The following PAN3 variants were observed in gnomAD, a reference collection of about 807,000 sequenced individuals.
PAN3 encodes PAN2-PAN3 deadenylation complex subunit PAN3.
In PAN3, 19 loss-of-function variants were observed where a neutral mutation model predicts 96.2. That is an observed-to-expected ratio of 0.20 (90% CI 0.14 to 0.29). PAN3 has a LOEUF of 0.29. Among genes scored for constraint, PAN3 ranks in the 10% least tolerant of loss-of-function variants. The probability of loss-of-function intolerance (pLI) is 1.00; values close to 1 mark genes in which losing one functional copy is unlikely to be tolerated. For missense variants in PAN3, 882 were observed against 1,108.1 expected, an observed-to-expected ratio of 0.80 and a Z score of 2.90; for synonymous variants, 433 against 406.6, an observed-to-expected ratio of 1.06 and a Z score of -0.78.
At chr13:28,259,615 TA>T (rs1885519181) in intron 7 of PAN3, among the ~76,000 whole-genome samples, 1 of 151,854 alleles carries the variant, frequency 6.6e-6, no homozygotes, top group Non-Finnish European at 1.5e-5. Context: ...TGTTTATTTT[TA>T]TTTTTTTAAT....
At chr13:28,251,213 A>G (rs1055791663) in intron 6 of PAN3, among the ~76,000 whole-genome samples, 1 of 152,072 alleles carries the variant, frequency 6.6e-6, no homozygotes, top group Non-Finnish European at 1.5e-5. Context: ...CTTCTTTCAT[A>G]TTCTTAATCA....
chr13:28,169,214 T>G (rs1593399203), intron 1 of PAN3, among the ~76,000 whole-genome samples: 1 of 149,792 alleles, frequency 6.7e-6, no homozygotes, highest in Non-Finnish European at 1.5e-5. Flanking sequence ...TCATTTTTTT[T>G]TTGTTTGCTT....
intron 6 of PAN3, among the ~76,000 whole-genome samples, chr13:28,249,151 T>C (rs1024762802): frequency 2.0e-5 from 3 of 152,230 alleles, no homozygotes; most frequent in Non-Finnish European, 4.4e-5. Flanking sequence ...TTTATTTATT[T>C]GTTTGTTTGT....
At chr13:28,284,834 T>TAGAATCTA (rs1463624992) in intron 17 of PAN3, among the ~76,000 whole-genome samples, 1 of 152,186 alleles carries the variant, frequency 6.6e-6, no homozygotes, top group Non-Finnish European at 1.5e-5. Context: ...TTAAATTTTC[T>TAGAATCTA]GTACAAATTC....
chr13:28,236,445 G>C (rs1293266844), intron 6 of PAN3, among the ~76,000 whole-genome samples: 1 of 152,014 alleles, frequency 6.6e-6, no homozygotes, highest in Non-Finnish European at 1.5e-5. Flanking sequence ...TTTACATCTA[G>C]AGTAAAAAAT....
chr13:28,186,080 T>TC (rs1876428192), intron 4 of PAN3, among the ~76,000 whole-genome samples: 1 of 152,244 alleles, frequency 6.6e-6, no homozygotes, highest in Admixed American at 6.5e-5. Flanking sequence ...AGATTTGTTG[T>TC]CCTTGTATTT....
intron 7 of PAN3, 76 bp from the exon 8 acceptor site, chr13:28,260,371 G>A (rs1593585682): frequency 8.8e-7 from 1 of 1,138,672 alleles, no homozygotes; most frequent in South Asian, 1.3e-5. Context: ...TCCAGCCTGG[G>A]CAACAGAGCA....
At chr13:28,281,182 C>T in intron 16 of PAN3, 133 bp from the exon 17 acceptor site, 1 of 683,028 alleles carries the variant, frequency 1.5e-6, no homozygotes, top group South Asian at 1.7e-5. Flanking sequence ...AAAAGTATAA[C>T]CAAAAGGTGG....
At chr13:28,250,388 A>G (rs551053038) in intron 6 of PAN3, among the ~76,000 whole-genome samples, 1 of 151,516 alleles carries the variant, frequency 6.6e-6, no homozygotes, top group East Asian at 1.9e-4. Flanking sequence ...TTTTTTTGAG[A>G]CGGAGTTTCA....
chr13:28,220,579 A>G lies in PAN3; in HGVS notation c.1000+201A>G, dbSNP rs550636896. Among the ~76,000 whole-genome samples, 18 of 152,312 alleles carry G rather than the reference A, an allele frequency of 1.2e-4. No homozygotes were observed. The East Asian group carries it at 2.1e-3, about 18-fold the overall frequency. Reference sequence around the variant, plus strand: ...AAAATTTAAATATGAATGAAATTACATATAAGAATTTTTATATATAAAACT... The same window carrying G: ...AAAATTTAAATATGAATGAAATTACGTATAAGAATTTTTATATATAAAACT... On this transcript the variant is annotated intron_variant, in intron 6 of 18. Coordinates refer to ENST00000380958, the MANE Select transcript of PAN3 (RefSeq NM_175854.8).
chr13:28,270,556 TACAC>T (rs1344702672), intron 12 of PAN3, 141 bp from the exon 13 acceptor site: 5 of 713,806 alleles, frequency 7.0e-6, no homozygotes, highest in Non-Finnish European at 1.0e-5. Context: ...AAACTTAAAT[TACAC>T]ACATACATAC....
chr13:28,210,128 A>G (rs1301039331), intron 5 of PAN3, among the ~76,000 whole-genome samples: 1 of 152,160 alleles, frequency 6.6e-6, no homozygotes, highest in Non-Finnish European at 1.5e-5. Context: ...CATAAAAGGT[A>G]CACCAGGAGA....
intron 4 of PAN3, among the ~76,000 whole-genome samples, chr13:28,189,295 A>T (rs1024646728): frequency 1.1e-4 from 17 of 152,116 alleles, no homozygotes; most frequent in Non-Finnish European, 1.8e-4. Flanking sequence ...CGCCGGGTGG[A>T]TCATGAAGTC....
chr13:28,193,376 C>G (rs1298505561), intron 4 of PAN3, among the ~76,000 whole-genome samples: 2 of 152,078 alleles, frequency 1.3e-5, no homozygotes, highest in African/African-American at 4.8e-5. Context: ...TGATGAATTC[C>G]CTTTTTGAAA....
At chr13:28,209,323 T>G (rs1450339216) in intron 5 of PAN3, among the ~76,000 whole-genome samples, 1 of 152,244 alleles carries the variant, frequency 6.6e-6, no homozygotes, top group Non-Finnish European at 1.5e-5. Context: ...TGATATATTT[T>G]AGTGACCATC....
At chr13:28,221,012 C>T (rs1881347836) in intron 6 of PAN3, among the ~76,000 whole-genome samples, 1 of 152,094 alleles carries the variant, frequency 6.6e-6, no homozygotes, top group Non-Finnish European at 1.5e-5. Flanking sequence ...TGCTTGTACT[C>T]CAGGAGTCCT....
chr13:28,196,633 C>T (rs1878091784), intron 4 of PAN3, among the ~76,000 whole-genome samples: 1 of 151,006 alleles, frequency 6.6e-6, no homozygotes, highest in Non-Finnish European at 1.5e-5. Context: ...GAGTTGTACT[C>T]AAGTCTAACG....
chr13:28,151,010 T>C (rs548307461), intron 1 of PAN3, among the ~76,000 whole-genome samples: 8 of 152,214 alleles, frequency 5.3e-5, no homozygotes, highest in South Asian at 2.1e-4. Flanking sequence ...AGGGTTGTTA[T>C]AGAATGAAAT....
At chr13:28,264,739 A>G (rs997217877) in intron 9 of PAN3, among the ~76,000 whole-genome samples, 2 of 152,180 alleles carry the variant, frequency 1.3e-5, no homozygotes, top group African/African-American at 4.8e-5. Context: ...TTCCTTAACC[A>G]GAGGCTCATT....
Sources: allele counts gnomAD v4.1 joint callset (sites outside exome capture counted in the v4.1 genomes callset), GRCh38; gene constraint gnomAD v4.1.1; transcripts MANE v1.5; gene names NCBI Gene and HGNC (gene_info 2026-07-23, HGNC 2026-07-21).